Variants in CES5A observed in about 807,000 individuals in gnomAD.
The protein encoded by CES5A is carboxylesterase 5A, also known as carboxylesterase 5.
Under a neutral mutation model 62.9 loss-of-function variants are expected in CES5A, and 67 were observed. The ratio of observed to expected loss-of-function variants is 1.07; its 90% confidence interval spans 0.88 to 1.31. CES5A has a LOEUF of 1.31. CES5A is among the 50% of genes most tolerant of loss of function. CES5A has a pLI of 0.00. For synonymous variants in CES5A, 296 were observed against 280.8 expected, an observed-to-expected ratio of 1.05 and a Z score of -0.54; for missense variants, 748 against 708.5, an observed-to-expected ratio of 1.06 and a Z score of -0.63.
rs1196727589 is a variant in CES5A at position 55,846,831 on chromosome 16, G to A, written c.1433C>T (p.Thr478Met). ...KGDIVMFEGA[T>M]EEEKLLSRKM... ...CCGGCTCAGTAACTTCTCCTCCTCCGTGGCTCCTTCTGAAGGAGATAATCA... is the reference window on the plus strand; with the variant it reads ...CCGGCTCAGTAACTTCTCCTCCTCCATGGCTCCTTCTGAAGGAGATAATCA... Residue 478 changes from threonine (T) to methionine (M), a missense_variant, in exon 12 of 13, where the codon ACG (threonine) becomes ATG (methionine). By Grantham distance (81) the Thr-to-Met change is moderately conservative (BLOSUM62 -1). Transcript: ENST00000290567. The A allele has an allele frequency of 1.2e-6, 2 of 1,613,898 alleles. No homozygotes were observed. Among genetic ancestry groups the A allele is most frequent in the Non-Finnish European group, 1.7e-6 (2 of 1,179,940 alleles).
At chr16:55,858,822 C>T (rs1193811933) in intron 8 of CES5A, among the ~76,000 whole-genome samples, 12 of 152,314 alleles carry the variant, frequency 7.9e-5, no homozygotes, top group African/African-American at 2.6e-4. Context: ...TCCTATGCCA[C>T]GGAATCAAAA....
At chr16:55,892,530 A>G (rs2033891412) in intron 1 of CES5A, among the ~76,000 whole-genome samples, 1 of 152,214 alleles carries the variant, frequency 6.6e-6, no homozygotes. Flanking sequence ...TTAATATTTG[A>G]AAATCAATCA....
intron 1 of CES5A, among the ~76,000 whole-genome samples, chr16:55,919,508 C>T (rs2034180424): frequency 6.6e-6 from 1 of 152,148 alleles, no homozygotes; most frequent in South Asian, 2.1e-4. Flanking sequence ...GACTCTTTTG[C>T]TCCTACGACT....
chr16:55,917,247 T>C (rs1450061772), intron 1 of CES5A, among the ~76,000 whole-genome samples: 3 of 152,240 alleles, frequency 2.0e-5, no homozygotes, highest in South Asian at 2.1e-4. Flanking sequence ...AAATATTCAT[T>C]TGAATGTCTG....
intron 4 of CES5A, 67 bp from the exon 5 acceptor site, chr16:55,866,183 T>C: frequency 5.3e-6 from 8 of 1,510,904 alleles, no homozygotes; most frequent in African/African-American, 1.4e-5. Flanking sequence ...CCCTGGAAGT[T>C]CTCAGCAGAG....
In CES5A at chr16:55,853,040, T is replaced by C; in HGVS notation, c.1126-12A>G. 3 of 1,613,800 alleles carry C rather than the reference T, an allele frequency of 1.9e-6. No individual in the cohort carries two copies. Among genetic ancestry groups the C allele is most frequent in the Non-Finnish European group, 2.5e-6 (3 of 1,179,828 alleles). On this transcript the variant is annotated splice_polypyrimidine_tract_variant and intron_variant, in intron 9 of 12. Transcript: ENST00000290567. The stretch of plus-strand genomic sequence containing the variant: ...TGAGGCGGGATGTGCTGTAAAAATA[T>C]CGTAGTCCTAGGAGATCCAGGTCAA...
chr16:55,910,312 C>T (rs562256373), intron 1 of CES5A, among the ~76,000 whole-genome samples: 18 of 152,294 alleles, frequency 1.2e-4, no homozygotes, highest in African/African-American at 3.6e-4. Flanking sequence ...TGACAGAAGG[C>T]GCTATTCCAT....
intron 1 of CES5A, among the ~76,000 whole-genome samples, chr16:55,887,041 A>G (rs1263402098): frequency 5.9e-5 from 9 of 152,118 alleles, no homozygotes; most frequent in Admixed American, 2.6e-4. Context: ...ACTTGGTATC[A>G]ACACGCTGCA....
intron 6 of CES5A, among the ~76,000 whole-genome samples, chr16:55,862,651 T>C (rs2033376614): frequency 1.3e-5 from 2 of 152,254 alleles, no homozygotes; most frequent in African/African-American, 4.8e-5. Flanking sequence ...TATACTGTTA[T>C]TTTCTGTAAG....
At chr16:55,856,885 C>T (rs1274400628) in intron 8 of CES5A, among the ~76,000 whole-genome samples, 1 of 152,258 alleles carries the variant, frequency 6.6e-6, no homozygotes, top group Non-Finnish European at 1.5e-5. Flanking sequence ...AGTTTACACA[C>T]ACAAAGCGGT....
Position 55,890,106 on chromosome 16 carries a change from G to A in CES5A, c.-255-16069C>T, listed in dbSNP as rs186134939. On this transcript the variant is annotated intron_variant, in intron 1 of 12. Coordinates refer to the CES5A transcript ENST00000518005. The stretch of plus-strand genomic sequence containing the variant: ...CATAAGCTGAGTCTGTAGGAGTCTT[G>A]CAAGCACCCAAGAAGGATGGACTCC... Among the ~76,000 whole-genome samples the A allele has an allele frequency of 7.9e-5, 12 of 152,160 alleles. No individual in the cohort carries two copies. In the East Asian group the frequency reaches 2.1e-3, roughly 27 times the overall value.
At chr16:55,883,893 A>C (rs2033786904) in intron 1 of CES5A, among the ~76,000 whole-genome samples, 1 of 152,174 alleles carries the variant, frequency 6.6e-6, no homozygotes, top group Admixed American at 6.5e-5. Flanking sequence ...AGCCCACTGT[A>C]AGCCAGTCTT....
chr16:55,865,137 C>A (rs1328156471), intron 5 of CES5A, among the ~76,000 whole-genome samples: 1 of 152,022 alleles, frequency 6.6e-6, no homozygotes, highest in African/African-American at 2.4e-5. Flanking sequence ...ACCCAGGAGG[C>A]GGAGGTTCTG....
chr16:55,927,983 C>T (rs1213521682), upstream of CES5A, among the ~76,000 whole-genome samples: 1 of 152,184 alleles, frequency 6.6e-6, no homozygotes. Flanking sequence ...GTGGCTCACG[C>T]CTGTAATCCC....
chr16:55,941,967 TTAAG>T (rs2034450898), intron 2 of CES5A, among the ~76,000 whole-genome samples: 1 of 152,152 alleles, frequency 6.6e-6, no homozygotes, highest in Non-Finnish European at 1.5e-5. Context: ...TTCCAAGGCG[TTAAG>T]TCAGTTCACT....
At chr16:55,854,109 A>G (rs1470113457) in intron 9 of CES5A, among the ~76,000 whole-genome samples, 1 of 152,190 alleles carries the variant, frequency 6.6e-6, no homozygotes, top group Non-Finnish European at 1.5e-5. Flanking sequence ...CAAGGTGGGT[A>G]TAGATGCTAT....
chr16:55,869,354 A>T, intron 4 of CES5A: 1 of 441,310 alleles, frequency 2.3e-6, no homozygotes, highest in Non-Finnish European at 3.6e-6. Flanking sequence ...TCCCTGGTTG[A>T]CCATGAGGAA....
chr16:55,920,529 A>C lies in CES5A; in HGVS notation c.-256+4794T>G, dbSNP rs541994364. On this transcript the variant is annotated intron_variant, in intron 1 of 12. Transcript: ENST00000518005. ...CCCTTTGAGACCCCCCCATTCAGAA[A>C]GGGCACTGCTTAGATCATTTATTAG... Among the ~76,000 whole-genome samples, 3 of 152,320 alleles carry C rather than the reference A, an allele frequency of 2.0e-5. No homozygotes were observed. The South Asian group carries it at 6.2e-4, about 32-fold the overall frequency.
intron 1 of CES5A, among the ~76,000 whole-genome samples, chr16:55,890,370 A>AT (rs1191586935): frequency 0.018 from 1,271 of 71,824 alleles, 25 homozygotes; most frequent in African/African-American, 0.06. Flanking sequence ...GTGGGCTTGA[A>AT]TTTTTTTTTT....
Sources: allele counts gnomAD v4.1 joint callset (sites outside exome capture counted in the v4.1 genomes callset), GRCh38; gene constraint gnomAD v4.1.1; transcripts MANE v1.5; gene names NCBI Gene and HGNC (gene_info 2026-07-23, HGNC 2026-07-21).